The following ACSBG2 variants were observed in gnomAD, a reference collection of about 807,000 sequenced individuals.
ACSBG2 encodes the protein long-chain-fatty-acid--CoA ligase ACSBG2.
A neutral mutation model predicts 74.7 loss-of-function variants in ACSBG2; 62 were observed. The ratio of observed to expected loss-of-function variants is 0.83; its 90% CI spans 0.68 to 1.03. The LOEUF is 1.03. Ranked by LOEUF, ACSBG2 falls within the 50% of genes least tolerant of loss-of-function variation. The pLI is 0.00. For synonymous variants in ACSBG2, 309 were observed against 294.1 expected (o/e 1.05, Z -0.52); for missense variants, 730 against 817.6 (o/e 0.89, Z 1.31).
At chr19:6,151,879 T>C in intron 4 of ACSBG2, 84 bp downstream of exon 4, 1 of 1,311,994 alleles carries the variant, frequency 7.6e-7, no homozygotes, top group Non-Finnish European at 1.1e-6. Flanking sequence ...CAGTGTGAGA[T>C]GCAAACAGGA....
intron 1 of ACSBG2, chr19:6,137,209 T>TGGGGGGGGGGGGGGGGGGGGGGGG (rs71172790): frequency 4.5e-5 from 1 of 21,992 alleles, no homozygotes; most frequent in African/African-American, 9.8e-5. Context: ...GTGGCGGGGT[T>TGGGGGGGGGGGGGGGGGGGGGGGG]GGGGGGGGGG....
chr19:6,181,044 T>TAAAAAA (rs113174172), intron 8 of ACSBG2, among the ~76,000 whole-genome samples: 7 of 99,982 alleles, frequency 7.0e-5, no homozygotes, highest in East Asian at 2.7e-4. Flanking sequence ...CCGTCTCTAC[T>TAAAAAA]AAAAAAAAAA....
chr19:6,172,188 A>C (rs2089982426), intron 7 of ACSBG2, among the ~76,000 whole-genome samples: 1 of 152,106 alleles, frequency 6.6e-6, no homozygotes, highest in Non-Finnish European at 1.5e-5. Flanking sequence ...ATGTCATTTC[A>C]AACATTTCAG....
At chr19:6,190,361 G>A (rs2090528865) in intron 13 of ACSBG2, 8 of 513,916 alleles carry the variant, frequency 1.6e-5, no homozygotes, top group South Asian at 1.4e-4. Flanking sequence ...AATGCACCAT[G>A]CTCTTCACCT....
At chr19:6,165,039 C>T (rs369529717) in intron 6 of ACSBG2, among the ~76,000 whole-genome samples, 35 of 152,276 alleles carry the variant, frequency 2.3e-4, no homozygotes, top group African/African-American at 8.4e-4. Flanking sequence ...TGCCTTTGGT[C>T]GTAAGTGACA....
intron 2 of ACSBG2, among the ~76,000 whole-genome samples, chr19:6,141,835 G>C (rs905956526): frequency 2.0e-5 from 3 of 151,778 alleles, no homozygotes; most frequent in Admixed American, 2.0e-4. Context: ...CCAGGCTCAA[G>C]TGATCCTCCT....
intron 4 of ACSBG2, among the ~76,000 whole-genome samples, chr19:6,155,225 G>T (rs928860763): frequency 6.6e-6 from 1 of 152,116 alleles, no homozygotes; most frequent in East Asian, 1.9e-4. Context: ...CAGTGGTGCT[G>T]GACCAACTGG....
rs1568232977 is a variant in ACSBG2 at position 6,161,300 on chromosome 19, G to A, written c.588+5G>A. The A allele has an allele frequency of 6.2e-7, 1 of 1,611,866 alleles. No individual in the cohort carries two copies. Among genetic ancestry groups the A allele is most frequent in the Non-Finnish European group, 8.5e-7 (1 of 1,178,298 alleles). ...AAGAACAACAACTTGTACTCTGTAA[G>A]TGTGGGAGGTGGGCACTGGGGAAAG... On this transcript the variant is annotated splice_donor_5th_base_variant and intron_variant, in intron 6 of 14. Transcript: ENST00000588485.
intron 12 of ACSBG2, 84 bp from the exon 13 acceptor site, chr19:6,187,515 T>G: frequency 1.2e-6 from 2 of 1,603,354 alleles, no homozygotes; most frequent in Non-Finnish European, 1.7e-6. Context: ...CATCTGTGGG[T>G]TCAAGACCCA....
chr19:6,190,538 T>C (rs1400273984), intron 13 of ACSBG2, 46 bp from the exon 14 acceptor site: 3 of 1,560,340 alleles, frequency 1.9e-6, no homozygotes, highest in Admixed American at 1.7e-5. Context: ...GTGTGTGTAA[T>C]TTTCTTTTAT....
intron 6 of ACSBG2, among the ~76,000 whole-genome samples, chr19:6,164,476 A>C (rs1163124860): frequency 7.1e-6 from 1 of 139,954 alleles, no homozygotes; most frequent in Non-Finnish European, 1.5e-5. Flanking sequence ...TCTGTTGCCC[A>C]GGCTGGAGTG....
In ACSBG2 at chr19:6,165,986, C is replaced by A. The variant is rs1452697398; in HGVS notation, c.709C>A (p.Pro237Thr). 1.2e-6 allele frequency: 2 copies of A among 1,614,048 alleles called. No individual in the cohort carries two copies. The highest frequency in any genetic ancestry group is 1.1e-5 in the South Asian group (1 of 91,070). The change falls in exon 7 of 15, where the codon CCC becomes ACC. Residue 237 changes from proline to threonine, a missense_variant. Pro to Thr is a conservative substitution (Grantham distance 38). Transcript: ENST00000588485. ...LIYTSGTTGI[P>T]KGVMLSHDNI... The stretch of plus-strand genomic sequence containing the variant: ...CTACACTTCAGGGACCACAGGCATA[C>A]CCAAGGGAGTGATGCTCAGTCATGA...
chr19:6,161,372 G>A, intron 6 of ACSBG2, 77 bp downstream of exon 6: 4 of 1,395,972 alleles, frequency 2.9e-6, no homozygotes, highest in Non-Finnish European at 4.0e-6. Flanking sequence ...CTAAGTGGAA[G>A]GTGAGCAGAG....
At chr19:6,160,297 G>A (rs2089562000) in intron 5 of ACSBG2, among the ~76,000 whole-genome samples, 1 of 151,468 alleles carries the variant, frequency 6.6e-6, no homozygotes, top group Admixed American at 6.6e-5. Flanking sequence ...GGCTGAGGCA[G>A]GAGAATGGCA....
chr19:6,164,732 G>T (rs2089742363), intron 6 of ACSBG2, among the ~76,000 whole-genome samples: 1 of 152,082 alleles, frequency 6.6e-6, no homozygotes, highest in Non-Finnish European at 1.5e-5. Context: ...CCTGGCCGAG[G>T]GGCCTCCATC....
At chr19:6,183,309 A>G in intron 10 of ACSBG2, 37 bp downstream of exon 10, 1 of 1,572,236 alleles carries the variant, frequency 6.4e-7, no homozygotes, top group Non-Finnish European at 8.7e-7. Flanking sequence ...CTCCTCCCAT[A>G]ACATGGGGTC....
intron 7 of ACSBG2, among the ~76,000 whole-genome samples, chr19:6,168,663 A>G (rs2089880936): frequency 6.6e-6 from 1 of 152,200 alleles, no homozygotes; most frequent in South Asian, 2.1e-4. Context: ...GTGTGGTAAG[A>G]CATTCTCCTA....
chr19:6,154,446 T>TATAAA (rs1373185563), intron 4 of ACSBG2, among the ~76,000 whole-genome samples: 2 of 144,206 alleles, frequency 1.4e-5, no homozygotes, highest in East Asian at 4.0e-4. Context: ...ATTATTATTA[T>TATAAA]ATATATAAAA....
At chr19:6,173,276 C>G (rs2090009717) in intron 7 of ACSBG2, among the ~76,000 whole-genome samples, 1 of 152,146 alleles carries the variant, frequency 6.6e-6, no homozygotes, top group African/African-American at 2.4e-5. Flanking sequence ...TCTGGTGGTG[C>G]AGTGGGTCAA....
Sources: gnomAD v4.1 joint callset for allele counts (sites outside exome capture counted in the v4.1 genomes callset) on GRCh38, gnomAD v4.1.1 for gene constraint, MANE v1.5 for transcripts, NCBI Gene and HGNC (gene_info 2026-07-23, HGNC 2026-07-21) for gene names.